IRAG1: variants seen among roughly 807,000 people sequenced by gnomAD.
IRAG1 encodes inositol 1,4,5-triphosphate receptor associated 1, also known as IP3R-associated cGMP kinase substrate.
A neutral mutation model predicts 106.2 loss-of-function variants in IRAG1; 62 were observed. The ratio of observed to expected loss-of-function variants is 0.58; its 90% confidence interval spans 0.48 to 0.72. IRAG1 has a LOEUF of 0.72. IRAG1 is among the 30% of genes least tolerant of loss of function. The pLI is 0.00. For synonymous variants in IRAG1, 462 were observed against 443.9 expected, an observed-to-expected ratio of 1.04 and a Z score of -0.51; for missense variants, 1,064 against 1,140.7, an observed-to-expected ratio of 0.93 and a Z score of 0.97.
chr11:10,594,110 C>CT (rs1441883549), intron 16 of IRAG1, 36 bp downstream of exon 16: 1 of 1,576,528 alleles, frequency 6.3e-7, no homozygotes, highest in Admixed American at 1.8e-5. Context: ...TGTCATACTC[C>CT]TTCCAGGAGC....
chr11:10,629,780 C>G, intron 4 of IRAG1, 69 bp from the exon 5 acceptor site: 1 of 1,504,620 alleles, frequency 6.6e-7, no homozygotes, highest in Non-Finnish European at 9.0e-7. Context: ...TCATGCCATA[C>G]CATGCCTCAT....
intron 1 of IRAG1, among the ~76,000 whole-genome samples, chr11:10,688,453 C>T (rs1326532227): frequency 6.6e-6 from 1 of 152,152 alleles, no homozygotes; most frequent in Non-Finnish European, 1.5e-5. Context: ...GAAGCTTGGG[C>T]TCTCTGGAAA....
rs931393596 is a variant in IRAG1, at chr11:10,652,051, G to A, written c.199C>T (p.Gln67Ter). ...PEDEEPPGEP[Q>*]AAQSPAGQGP... Reference sequence around the variant, plus strand: ...TGGCCGGCAGGGCTCTGGGCTGCCTGTGGCTCTCCGGGGGGCTCCTCGTCC... The same window carrying A: ...TGGCCGGCAGGGCTCTGGGCTGCCTATGGCTCTCCGGGGGGCTCCTCGTCC... Residue 67 changes from glutamine (Q) to a stop codon, truncating the protein, a stop_gained, in exon 2 of 21, where the codon CAG (glutamine) becomes TAG (stop). Transcript: ENST00000423302. LOFTEE classifies it high-confidence loss of function. 2.4e-5 allele frequency: 38 copies of A among 1,587,496 alleles called. No homozygotes were observed. Among genetic ancestry groups the A allele is most frequent in the Non-Finnish European group, 3.3e-5 (38 of 1,168,006 alleles).
At chr11:10,584,064 G>C (rs1285876625) in intron 18 of IRAG1, among the ~76,000 whole-genome samples, 1 of 152,166 alleles carries the variant, frequency 6.6e-6, no homozygotes, top group Non-Finnish European at 1.5e-5. Flanking sequence ...CAAGTTTAAA[G>C]GAAGTATCCA....
At chr11:10,637,699 C>G (rs1439136901) in intron 2 of IRAG1, among the ~76,000 whole-genome samples, 1 of 151,968 alleles carries the variant, frequency 6.6e-6, no homozygotes, top group Non-Finnish European at 1.5e-5. Context: ...TCAGTGGGCT[C>G]CCCTGGTGGG....
At chr11:10,640,216 A>G (rs1466180163) in intron 2 of IRAG1, among the ~76,000 whole-genome samples, 1 of 152,198 alleles carries the variant, frequency 6.6e-6, no homozygotes, top group Non-Finnish European at 1.5e-5. Context: ...GACTGTAGGC[A>G]TCTCACTGGG....
chr11:10,633,634 G>C (rs1856911693), intron 3 of IRAG1, among the ~76,000 whole-genome samples: 1 of 152,138 alleles, frequency 6.6e-6, no homozygotes, highest in Non-Finnish European at 1.5e-5. Context: ...TTTTCTTAAA[G>C]GCTAGCCCTT....
chr11:10,599,009 G>A (rs1472351952), intron 15 of IRAG1, among the ~76,000 whole-genome samples: 1 of 152,198 alleles, frequency 6.6e-6, no homozygotes, highest in Non-Finnish European at 1.5e-5. Flanking sequence ...AGTGGTTACG[G>A]CCACTCTGCC....
chr11:10,611,010 G>A (rs1854913966), intron 10 of IRAG1, among the ~76,000 whole-genome samples: 1 of 152,216 alleles, frequency 6.6e-6, no homozygotes, highest in South Asian at 2.1e-4. Flanking sequence ...GTAGCCACCT[G>A]AAGAGTTAAG....
intron 2 of IRAG1, among the ~76,000 whole-genome samples, chr11:10,638,751 G>A (rs1205355018): frequency 6.6e-6 from 1 of 152,132 alleles, no homozygotes; most frequent in Non-Finnish European, 1.5e-5. Flanking sequence ...ATGCATTGAT[G>A]AGGATAAGCT....
At chr11:10,615,146 G>C (rs1855295449) in intron 10 of IRAG1, among the ~76,000 whole-genome samples, 1 of 152,202 alleles carries the variant, frequency 6.6e-6, no homozygotes, top group African/African-American at 2.4e-5. Flanking sequence ...CTTCTCAAAA[G>C]AAGACATTTA....
At chr11:10,648,185 G>A (rs1015330871) in intron 2 of IRAG1, among the ~76,000 whole-genome samples, 9 of 152,170 alleles carry the variant, frequency 5.9e-5, no homozygotes, top group Non-Finnish European at 1.0e-4. Flanking sequence ...CCAACACGGC[G>A]AAACCCCATA....
Position 10,580,591 on chromosome 11 carries a change from T to TG in IRAG1, c.2361-3dup. The TG allele has an allele frequency of 1.9e-6, 3 of 1,611,304 alleles. No homozygotes were observed. Among genetic ancestry groups the TG allele is most frequent in the Non-Finnish European group, 1.7e-6 (2 of 1,179,190 alleles). On this transcript the variant is annotated splice_polypyrimidine_tract_variant and splice_region_variant and intron_variant, in intron 19 of 20. Transcript: ENST00000423302. Reference sequence around the variant, plus strand: ...GTCTTCTTTAGACCTTCTTGGAATCTGGGGGGCAAAAAGGAACAGTTGAGT... The same window carrying TG: ...GTCTTCTTTAGACCTTCTTGGAATCTGGGGGGGCAAAAAGGAACAGTTGAGT...
chr11:10,643,162 G>A (rs1439970784), intron 2 of IRAG1, among the ~76,000 whole-genome samples: 1 of 110,454 alleles, frequency 9.1e-6, no homozygotes, highest in African/African-American at 3.7e-5. Flanking sequence ...GGGCGACAGA[G>A]TGAGACTCCG....
chr11:10,672,639 C>T (rs1027974466), intron 1 of IRAG1, among the ~76,000 whole-genome samples: 57 of 152,170 alleles, frequency 3.7e-4, no homozygotes, highest in African/African-American at 1.4e-3. Flanking sequence ...ACTTTACACC[C>T]ATGAGGGTGG....
In IRAG1 at chr11:10,650,969, TACTC is replaced by T. The variant is rs775675671; in HGVS notation, c.225+1052_225+1055del. On this transcript the variant is annotated intron_variant, in intron 2 of 20. Coordinates refer to ENST00000423302, the MANE Select transcript of IRAG1 (RefSeq NM_130385.4). Reference sequence around the variant, plus strand: ...AACAAATGCCATCATAACATGAAAATACTCACTAAGAATCTGCCCTTTTGTAAAA... The same window carrying T: ...AACAAATGCCATCATAACATGAAAATACTAAGAATCTGCCCTTTTGTAAAA... 1.5e-4 allele frequency among the ~76,000 whole-genome samples: 23 copies of T among 152,300 alleles called. No homozygotes were observed. The East Asian group carries it at 4.1e-3, about 27-fold the overall frequency.
intron 1 of IRAG1, among the ~76,000 whole-genome samples, chr11:10,680,528 G>A (rs992289111): frequency 4.4e-5 from 6 of 136,738 alleles, no homozygotes; most frequent in African/African-American, 1.8e-4. Flanking sequence ...AGGAAGAAAG[G>A]AAGGAAGGAA....
intron 10 of IRAG1, among the ~76,000 whole-genome samples, chr11:10,621,412 G>T (rs1256455228): frequency 6.6e-6 from 1 of 152,142 alleles, no homozygotes; most frequent in Admixed American, 6.5e-5. Flanking sequence ...GCGGGGCAAG[G>T]ATTTTCAAAT....
In IRAG1 at chr11:10,659,831, C is replaced by A. The variant is rs934090750; in HGVS notation, c.68-7649G>T. Among the ~76,000 whole-genome samples, 3 of 152,014 alleles carry A rather than the reference C, an allele frequency of 2.0e-5. No homozygotes were observed. The East Asian group carries it at 5.8e-4, about 29-fold the overall frequency. ...CAAAGTATCTGAGCCTCCCATTTAG[C>A]GCCTAGCAGATATAAATCTTGCCCA... On this transcript the variant is annotated intron_variant, in intron 1 of 20. Transcript: ENST00000423302. This position sits in a 1 kb window ranked among gnomAD's most constrained non-coding sequence, Gnocchi z 4.1.
Sources: allele counts gnomAD v4.1 joint callset (sites outside exome capture counted in the v4.1 genomes callset), GRCh38; gene constraint gnomAD v4.1.1; non-coding constraint Gnocchi (gnomAD v3.1); transcripts MANE v1.5; gene names NCBI Gene and HGNC (gene_info 2026-07-23, HGNC 2026-07-21).